ZNF682: variants seen among roughly 807,000 people sequenced by gnomAD.
ZNF682 encodes the protein zinc finger protein 682.
A neutral mutation model predicts 36.5 loss-of-function variants in ZNF682; 29 were observed. The ratio of observed to expected loss-of-function variants is 0.80; its 90% CI spans 0.59 to 1.08. The LOEUF (loss-of-function observed/expected upper bound fraction) is 1.08, where lower values mean the gene tolerates loss of function less well. Ranked by LOEUF, ZNF682 falls within the 50% of genes least tolerant of loss-of-function variation. The pLI, the probability that ZNF682 is intolerant of heterozygous loss-of-function variation, is 0.00. For missense variants in ZNF682, 561 were observed against 579.7 expected, an observed-to-expected ratio of 0.97 and a Z score of 0.33; for synonymous variants, 180 against 197.0, an observed-to-expected ratio of 0.91 and a Z score of 0.72.
At chr19:20,032,207 T>G (rs2088485402) in intron 1 of ZNF682, among the ~76,000 whole-genome samples, 1 of 152,198 alleles carries the variant, frequency 6.6e-6, no homozygotes, top group African/African-American at 2.4e-5. Flanking sequence ...GTTTCAGATT[T>G]AGGTTGCAGA....
downstream of ZNF682, among the ~76,000 whole-genome samples, chr19:20,003,190 CAAAAAAAAAAAAAA>C (rs755953644): frequency 6.0e-4 from 20 of 33,074 alleles, no homozygotes; most frequent in Admixed American, 7.2e-3. Flanking sequence ...GACTCCGTCT[CAAAAAAAAAAAAAA>C]AAAAAAAAAA....
downstream of ZNF682, among the ~76,000 whole-genome samples, chr19:19,996,651 A>G (rs2122275281): frequency 6.6e-6 from 1 of 152,300 alleles, no homozygotes; most frequent in Non-Finnish European, 1.5e-5. Flanking sequence ...AAGGCATAAG[A>G]ATGATACATG....
intron 3 of ZNF682, among the ~76,000 whole-genome samples, chr19:20,008,536 T>C (rs8102514): frequency 0.078 from 11,891 of 152,220 alleles, 703 homozygotes; most frequent in East Asian, 0.2. Context: ...CCTCGAGCCA[T>C]GGCATCACCA....
chr19:20,004,973 G>C lies in ZNF682; in HGVS notation c.*1032C>G, dbSNP rs139519681. ...ATTTAGAATAACATTGAAAGTGTTA[G>C]CGTCTTAGTGGTTTCTACTGTGAAT... On this transcript the variant is annotated 3_prime_UTR_variant, in exon 4 of 4. Transcript: ENST00000397165. 2 of 152,254 alleles carry C rather than the reference G, an allele frequency of 1.3e-5. No homozygotes were observed. The highest frequency in any genetic ancestry group is 4.8e-5 in the African/African-American group (2 of 41,542). 9.4% of individuals were successfully genotyped at this position (152,254 alleles called of 1,614,324 possible). A position where few individuals can be genotyped will look rare whatever the true frequency, so the allele number is the denominator to read the frequency against.
chr19:20,020,697 C>T (rs1568542957), intron 3 of ZNF682, among the ~76,000 whole-genome samples: 1 of 152,014 alleles, frequency 6.6e-6, no homozygotes, highest in Admixed American at 6.6e-5. Flanking sequence ...AAATATGACA[C>T]ATATACACAA....
chr19:20,024,162 A>C, intron 2 of ZNF682, 88 bp downstream of exon 2: 1 of 1,509,188 alleles, frequency 6.6e-7, no homozygotes, highest in Non-Finnish European at 9.1e-7. Flanking sequence ...CATTTATACA[A>C]AGCAGAAATC....
intron 1 of ZNF682, among the ~76,000 whole-genome samples, chr19:20,030,312 G>A (rs1049980251): frequency 4.6e-5 from 7 of 152,186 alleles, no homozygotes; most frequent in Non-Finnish European, 2.9e-5. Flanking sequence ...GCTCATGCCT[G>A]TAATCCCAGT....
chr19:20,019,335 T>C (rs954928292), intron 3 of ZNF682, among the ~76,000 whole-genome samples: 9 of 152,128 alleles, frequency 5.9e-5, no homozygotes, highest in Admixed American at 3.9e-4. Context: ...AAACATACTA[T>C]GAAGGTTTTT....
intron 3 of ZNF682, chr19:19,997,270 T>C (rs1047060817): frequency 4.8e-5 from 19 of 398,416 alleles, no homozygotes; most frequent in Non-Finnish European, 8.0e-5. Context: ...GTACCTGAAA[T>C]GGAAATGAGC....
intron 1 of ZNF682, chr19:20,030,922 A>G (rs2088474232): frequency 6.6e-6 from 1 of 152,218 alleles, no homozygotes; most frequent in Non-Finnish European, 1.5e-5. Context: ...TGAGAAAGAG[A>G]AGAAACACTG....
rs548928315 is a variant in ZNF682, at chr19:20,027,532, G to T, written c.4-3156C>A. On this transcript the variant is annotated intron_variant, in intron 1 of 3. Transcript: ENST00000397165. Reference sequence around the variant, plus strand: ...CCCAACACTCTGGGAGGCCAAGGCAGGCAGATCATCTGAGATCGGGAGTTT... The same window carrying T: ...CCCAACACTCTGGGAGGCCAAGGCATGCAGATCATCTGAGATCGGGAGTTT... 5.3e-5 allele frequency among the ~76,000 whole-genome samples: 8 copies of T among 152,276 alleles called. No individual in the cohort carries two copies. The East Asian group carries it at 1.2e-3, about 22-fold the overall frequency.
chr19:20,007,284 T>G lies in ZNF682; in HGVS notation c.227-9A>C, dbSNP rs1298914401. The G allele has an allele frequency of 6.3e-7, 1 of 1,585,136 alleles. No individual in the cohort carries two copies. Among genetic ancestry groups the G allele is most frequent in the Admixed American group, 1.8e-5 (1 of 54,710 alleles). Reference sequence around the variant, plus strand: ...GTAATGAGAAGACATAGCTGAAATATGAAATTAACAAAATATCCCACTTGT... The same window carrying G: ...GTAATGAGAAGACATAGCTGAAATAGGAAATTAACAAAATATCCCACTTGT... On this transcript the variant is annotated splice_polypyrimidine_tract_variant and intron_variant, in intron 3 of 3. Coordinates refer to ENST00000397165, the MANE Select transcript of ZNF682 (RefSeq NM_033196.3).
chr19:20,007,202 C>T lies in ZNF682; in HGVS notation c.300G>A (p.Leu100=), dbSNP rs749862860. Residue 100 remains leucine, a synonymous_variant, in exon 4 of 4, where the codon CTG becomes CTA. Coordinates refer to ENST00000397165, the MANE Select transcript of ZNF682 (RefSeq NM_033196.3). ...CAAGTCCACAGCTTCCATATCTTCT[C>T]AGTATCACTTTTTGGAATGAATCTT... ...CMQDSFQKVI[L]RRYGSCGLED... The T allele has an allele frequency of 1.2e-5, 19 of 1,613,636 alleles. No individual in the cohort carries two copies. The highest frequency in any genetic ancestry group is 1.6e-5 in the Non-Finnish European group (19 of 1,180,012).
intron 3 of ZNF682, among the ~76,000 whole-genome samples, chr19:20,021,874 G>T (rs1335230833): frequency 2.6e-5 from 4 of 152,040 alleles, no homozygotes; most frequent in Non-Finnish European, 4.4e-5. Flanking sequence ...AATCACATTT[G>T]AAAATTCCAT....
At chr19:20,013,332 T>C (rs1210945276) in intron 3 of ZNF682, among the ~76,000 whole-genome samples, 1 of 151,998 alleles carries the variant, frequency 6.6e-6, no homozygotes, top group Non-Finnish European at 1.5e-5. Flanking sequence ...CCCAAATATA[T>C]AAAGTAAACA....
In ZNF682 at chr19:20,006,526, A is replaced by G. The variant is rs765028495; in HGVS notation, c.976T>C (p.Ser326Pro). Residue 326 changes from serine (S) to proline (P), a missense_variant, in exon 4 of 4, where the codon TCA becomes CCA. Transcript: ENST00000397165. ...KECGKAFNHC[S>P]LLTIHERTHT... is the part of the protein sequence containing the mutation. ...GTTCTCTCATGTATAGTAAGTAGTG[A>G]GCAGTGGTTAAAGGCTTTCCCACAT... 56 of 1,613,964 alleles carry G rather than the reference A, an allele frequency of 3.5e-5. No homozygotes were observed. The highest frequency in any genetic ancestry group is 4.2e-5 in the Non-Finnish European group (49 of 1,180,004).
At chr19:20,022,934 T>C in intron 3 of ZNF682, 70 bp downstream of exon 3, 1 of 1,300,332 alleles carries the variant, frequency 7.7e-7, no homozygotes, top group Non-Finnish European at 1.1e-6. Context: ...CAAATAACTC[T>C]TGAAGTCTGT....
chr19:20,006,837 A>T lies in ZNF682; in HGVS notation c.665T>A (p.Ile222Asn), dbSNP rs1478150850. 6.2e-7 allele frequency: 1 copy of T among 1,614,150 alleles called. No individual in the cohort carries two copies. The highest frequency in any genetic ancestry group is 8.5e-7 in the Non-Finnish European group (1 of 1,180,008). ...WFSYLTKHKRIHTGEKPYKCE... is the reference protein window; with the variant it reads ...WFSYLTKHKRNHTGEKPYKCE... ...TTTGTATGGTTTCTCTCCAGTGTGA[A>T]TTCTCTTATGTTTAGTAAGGTATGA... Residue 222 changes from isoleucine to asparagine, a missense_variant, in exon 4 of 4, where the codon ATT (isoleucine) becomes AAT (asparagine). Coordinates refer to ENST00000397165, the MANE Select transcript of ZNF682 (RefSeq NM_033196.3).
At position 20,024,297 on chromosome 19, in the gene ZNF682, A is replaced by C; in HGVS notation, c.83T>G (p.Leu28Trp). ...WEFLNPAQQS[L>W]YRKVMLENYR... ...GTTCTCTAGCATCACTTTCCTATACAAACTCTGCTGAGCAGGGTTCAGAAA... is the reference window on the plus strand; with the variant it reads ...GTTCTCTAGCATCACTTTCCTATACCAACTCTGCTGAGCAGGGTTCAGAAA... Residue 28 changes from leucine to tryptophan, a missense_variant, in exon 2 of 4, where the codon TTG becomes TGG. Transcript: ENST00000397165. The C allele has an allele frequency of 6.2e-7, 1 of 1,614,116 alleles. No individual in the cohort carries two copies. The highest frequency in any genetic ancestry group is 8.5e-7 in the Non-Finnish European group (1 of 1,179,970).
Sources: allele counts gnomAD v4.1 joint callset (sites outside exome capture counted in the v4.1 genomes callset), GRCh38; gene constraint gnomAD v4.1.1; transcripts MANE v1.5; gene names NCBI Gene and HGNC (gene_info 2026-07-23, HGNC 2026-07-21).